The following ACTR5 variants were observed in gnomAD, a reference collection of about 807,000 sequenced individuals.
ACTR5 encodes actin-related protein 5.
In ACTR5, 43 loss-of-function variants were observed where a neutral mutation model predicts 61.2. The ratio of observed to expected loss-of-function variants is 0.70; its 90% CI spans 0.55 to 0.91. ACTR5 has a LOEUF of 0.91. Ranked by LOEUF, ACTR5 falls within the 40% of genes least tolerant of loss-of-function variation. The probability of loss-of-function intolerance (pLI) is 0.00; values close to 1 mark genes in which losing one functional copy is unlikely to be tolerated. For missense variants in ACTR5, 798 were observed against 782.2 expected, an observed-to-expected ratio of 1.02 and a Z score of -0.24; for synonymous variants, 333 against 310.5, an observed-to-expected ratio of 1.07 and a Z score of -0.76.
chr20:38,768,907 T>A (rs2084503915), intron 8 of ACTR5, among the ~76,000 whole-genome samples: 1 of 152,078 alleles, frequency 6.6e-6, no homozygotes, highest in Non-Finnish European at 1.5e-5. Context: ...TGATTTACAT[T>A]TAGTAAGATA....
intron 5 of ACTR5, among the ~76,000 whole-genome samples, chr20:38,762,010 C>G (rs893020257): frequency 6.6e-6 from 1 of 152,304 alleles, no homozygotes; most frequent in Admixed American, 6.5e-5. Flanking sequence ...GCTACAAAAA[C>G]CATTCCAAAC....
chr20:38,750,763 G>C (rs1229053183), intron 2 of ACTR5, among the ~76,000 whole-genome samples: 2 of 151,948 alleles, frequency 1.3e-5, no homozygotes, highest in Non-Finnish European at 2.9e-5. Flanking sequence ...CGAGTAGCTG[G>C]GACCACAGGC....
At position 38,763,517 on chromosome 20, in the gene ACTR5, T is replaced by A. The variant is rs542718029; in HGVS notation, c.1177-1885T>A. Among the ~76,000 whole-genome samples the A allele has an allele frequency of 2.9e-4, 44 of 152,354 alleles. 1 individual carries two copies. The highest frequency in any genetic ancestry group is 1.0e-3 in the African/African-American group (43 of 41,572). On this transcript the variant is annotated intron_variant, in intron 5 of 8. Coordinates refer to ENST00000243903, the MANE Select transcript of ACTR5 (RefSeq NM_024855.4). ...TGTATTACCTACTCTGACCTCAGGC[T>A]AGATTGTTTTCATGTTCCTAAAGCC...
chr20:38,766,891 G>A (rs2084489994), intron 7 of ACTR5, among the ~76,000 whole-genome samples: 1 of 152,230 alleles, frequency 6.6e-6, no homozygotes, highest in African/African-American at 2.4e-5. Flanking sequence ...TCTGGCTGCT[G>A]TTGGTCATAA....
chr20:38,763,263 G>A (rs555448918), intron 5 of ACTR5, among the ~76,000 whole-genome samples: 1 of 152,320 alleles, frequency 6.6e-6, no homozygotes, highest in Non-Finnish European at 1.5e-5. Context: ...GAACCCCTTT[G>A]GGGTCATTCC....
chr20:38,762,274 G>T (rs1159070233), intron 5 of ACTR5, among the ~76,000 whole-genome samples: 1 of 152,234 alleles, frequency 6.6e-6, no homozygotes, highest in Non-Finnish European at 1.5e-5. Context: ...TGTGCCTTGG[G>T]CTCCTCCCAG....
intron 3 of ACTR5, among the ~76,000 whole-genome samples, chr20:38,753,695 G>A (rs2084400316): frequency 6.6e-6 from 1 of 151,930 alleles, no homozygotes; most frequent in Non-Finnish European, 1.5e-5. Context: ...GTAGTTGGAT[G>A]ATTTTTAAAA....
intron 5 of ACTR5, among the ~76,000 whole-genome samples, chr20:38,758,910 A>C (rs2084436510): frequency 6.6e-6 from 1 of 152,232 alleles, no homozygotes; most frequent in South Asian, 2.1e-4. Flanking sequence ...GGCTGAACTG[A>C]ATTAATACAG....
At chr20:38,771,058 A>G (rs1452136593) in intron 8 of ACTR5, among the ~76,000 whole-genome samples, 1 of 152,258 alleles carries the variant, frequency 6.6e-6, no homozygotes, top group African/African-American at 2.4e-5. Flanking sequence ...TCCAGTGAGA[A>G]GCAGGGGAAA....
chr20:38,758,093 A>T (rs1176614823), intron 5 of ACTR5, among the ~76,000 whole-genome samples: 1 of 151,504 alleles, frequency 6.6e-6, no homozygotes, highest in Non-Finnish European at 1.5e-5. Context: ...GGGATTTCAG[A>T]TTTCAAAAAG....
chr20:38,761,486 T>C (rs908194363), intron 5 of ACTR5: 11 of 152,402 alleles, frequency 7.2e-5, no homozygotes, highest in African/African-American at 2.2e-4. Flanking sequence ...AGGATGAGAA[T>C]TATTTTTTGA....
At chr20:38,769,733 TGG>T (rs2084509205) in intron 8 of ACTR5, among the ~76,000 whole-genome samples, 1 of 152,098 alleles carries the variant, frequency 6.6e-6, no homozygotes, top group African/African-American at 2.4e-5. Context: ...AAATGTGCTC[TGG>T]GCACTCTTTG....
intron 2 of ACTR5, among the ~76,000 whole-genome samples, chr20:38,750,715 G>A (rs940483784): frequency 6.6e-6 from 1 of 151,858 alleles, no homozygotes; most frequent in African/African-American, 2.4e-5. Context: ...GGCAACGTCC[G>A]CCTCCCGGGT....
intron 8 of ACTR5, among the ~76,000 whole-genome samples, chr20:38,768,464 G>A (rs546848756): frequency 6.6e-6 from 1 of 152,340 alleles, no homozygotes; most frequent in East Asian, 1.9e-4. Context: ...GCAACCAGGT[G>A]TAAGCATCCG....
At chr20:38,765,933 G>C (rs148208978) in intron 6 of ACTR5, among the ~76,000 whole-genome samples, 1 of 152,202 alleles carries the variant, frequency 6.6e-6, no homozygotes, top group African/African-American at 2.4e-5. Flanking sequence ...CAGGGATAGG[G>C]CACTAAGCAA....
Position 38,748,677 on chromosome 20 carries a change from C to A in ACTR5, c.199C>A (p.Arg67Ser). 6.6e-7 allele frequency: 1 copy of A among 1,520,244 alleles called. No individual in the cohort carries two copies. The highest frequency in any genetic ancestry group is 8.8e-7 in the Non-Finnish European group (1 of 1,136,786). 94.2% of individuals were successfully genotyped at this position (1,520,244 alleles called of 1,614,324 possible). Residue 67 changes from arginine (R) to serine (S), a missense_variant, in exon 1 of 9, where the codon CGC becomes AGC. Transcript: ENST00000243903. The stretch of plus-strand genomic sequence containing the variant: ...CCTGCAGTTCCGCGCGGTGTGCGCC[C>A]GCGGTCGTGGCGGGGCACGGGGCGC... Reference protein sequence around the residue: ...PRLQFRAVCARGRGGARGASG... With the variant: ...PRLQFRAVCASGRGGARGASG...
At position 38,766,502 on chromosome 20, in the gene ACTR5, G is replaced by A. The variant is rs7274292; in HGVS notation, c.1433+125G>A. 4.9e-6 allele frequency: 6 copies of A among 1,235,882 alleles called. No individual in the cohort carries two copies. In the East Asian group the frequency reaches 9.7e-5, roughly 20 times the overall value. The allele number at this position is 1,235,882 out of a possible 1,614,324, so 76.6% of individuals were successfully genotyped here. On this transcript the variant is annotated intron_variant, in intron 7 of 8. Coordinates refer to ENST00000243903, the MANE Select transcript of ACTR5 (RefSeq NM_024855.4). ...CTCACTCTCTTCTTTTCATTGACTT[G>A]CTGTGCTCAGATAGTATTCCCTTCA...
chr20:38,748,927 C>T, intron 1 of ACTR5, 74 bp downstream of exon 1: 1 of 1,503,020 alleles, frequency 6.7e-7, no homozygotes, highest in Non-Finnish European at 8.9e-7. Flanking sequence ...TCACTCTGCT[C>T]TCGGAGAGGT....
At position 38,766,455 on chromosome 20, in the gene ACTR5, G is replaced by C. The variant is rs1389713119; in HGVS notation, c.1433+78G>C. The stretch of plus-strand genomic sequence containing the variant: ...TTTTGCATTGAATGGTAGATTTGAT[G>C]GTCAGGCACTTGAAAATGCATCTCA... On this transcript the variant is annotated intron_variant, in intron 7 of 8. Coordinates refer to ENST00000243903, the MANE Select transcript of ACTR5 (RefSeq NM_024855.4). 17 of 1,485,086 alleles carry C rather than the reference G, an allele frequency of 1.1e-5. No individual in the cohort carries two copies. The East Asian group carries it at 3.5e-4, about 31-fold the overall frequency. The allele number at this position is 1,485,086 out of a possible 1,614,324, so 92.0% of individuals were successfully genotyped here.
Sources: gnomAD v4.1 joint callset for allele counts (sites outside exome capture counted in the v4.1 genomes callset) on GRCh38, gnomAD v4.1.1 for gene constraint, MANE v1.5 for transcripts, NCBI Gene and HGNC (gene_info 2026-07-23, HGNC 2026-07-21) for gene names.